LPAR1: variants seen among roughly 807,000 people sequenced by gnomAD.
The protein encoded by LPAR1 is LPA receptor 1.
LPAR1 carries 5 observed loss-of-function variants against 23.8 expected under a neutral mutation model. The observed-to-expected ratio is 0.21, with a 90% CI of 0.11 to 0.44. The LOEUF (loss-of-function observed/expected upper bound fraction) is 0.44. Ranked by LOEUF, LPAR1 falls within the 20% of genes least tolerant of loss-of-function variation. LPAR1 has a pLI of 0.99. For missense variants in LPAR1, 311 were observed against 482.8 expected, an observed-to-expected ratio of 0.64 and a Z score of 3.33; for synonymous variants, 160 against 164.7, an observed-to-expected ratio of 0.97 and a Z score of 0.22.
chr9:110,932,169 C>T (rs923757730), intron 5 of LPAR1, among the ~76,000 whole-genome samples: 9 of 152,012 alleles, frequency 5.9e-5, no homozygotes, highest in African/African-American at 2.2e-4. Flanking sequence ...ACTAGGCAAC[C>T]TGTAAAACTC....
chr9:110,883,980 C>G (rs2081615408), intron 5 of LPAR1, among the ~76,000 whole-genome samples: 1 of 146,014 alleles, frequency 6.8e-6, no homozygotes, highest in South Asian at 2.2e-4. Context: ...TAGAGTGTAT[C>G]CATGAGCATT....
intron 5 of LPAR1, among the ~76,000 whole-genome samples, chr9:110,882,834 T>A (rs941475914): frequency 6.6e-6 from 1 of 152,202 alleles, no homozygotes; most frequent in Non-Finnish European, 1.5e-5. Context: ...GGTCATTAGA[T>A]GATTGCCGTA....
chr9:110,949,623 T>C (rs1035106528), intron 4 of LPAR1, among the ~76,000 whole-genome samples: 2 of 152,192 alleles, frequency 1.3e-5, no homozygotes, highest in African/African-American at 2.4e-5. Context: ...CCCAGTTTAT[T>C]TGGTTACCCC....
chr9:110,976,772 A>G (rs1343290472), intron 2 of LPAR1, among the ~76,000 whole-genome samples: 1 of 152,008 alleles, frequency 6.6e-6, no homozygotes, highest in South Asian at 2.1e-4. Flanking sequence ...TCTTCTCAAA[A>G]CCGTAAAATT....
At position 110,995,923 on chromosome 9, in the gene LPAR1, A is replaced by G. The variant is rs181246607; in HGVS notation, c.-181-22365T>C. ...GGACACTTTTAAAAATAATGGCTGAAGTCTTTTATCAGGAAAGCAGTAGAA... is the reference window on the plus strand; with the variant it reads ...GGACACTTTTAAAAATAATGGCTGAGGTCTTTTATCAGGAAAGCAGTAGAA... On this transcript the variant is annotated intron_variant, in intron 2 of 5. Transcript: ENST00000683809. 3.2e-4 allele frequency among the ~76,000 whole-genome samples: 49 copies of G among 152,334 alleles called. 1 individual carries two copies. The East Asian group carries it at 8.9e-3, about 28-fold the overall frequency.
intron 4 of LPAR1, among the ~76,000 whole-genome samples, chr9:110,957,975 T>C (rs1211591673): frequency 3.9e-5 from 6 of 152,092 alleles, no homozygotes; most frequent in Admixed American, 3.9e-4. Context: ...GGCAATCCCC[T>C]TTCCAAAGCT....
chr9:111,021,208 G>A (rs723592), intron 2 of LPAR1, among the ~76,000 whole-genome samples: 55,076 of 151,984 alleles, frequency 0.36, 10,991 homozygotes, highest in East Asian at 0.62. Context: ...GGGATCTAAC[G>A]TACAGCATGG....
intron 2 of LPAR1, among the ~76,000 whole-genome samples, chr9:111,006,627 C>T (rs777431573): frequency 1.3e-5 from 2 of 152,114 alleles, no homozygotes; most frequent in Non-Finnish European, 2.9e-5. Context: ...AATAGGTACA[C>T]AGGCAAGCCA....
At chr9:110,890,947 A>G (rs1383406014) in intron 5 of LPAR1, among the ~76,000 whole-genome samples, 1 of 152,254 alleles carries the variant, frequency 6.6e-6, no homozygotes, top group Non-Finnish European at 1.5e-5. Flanking sequence ...AATGGGGAAA[A>G]CTACAGAAAA....
At position 110,946,607 on chromosome 9, in the gene LPAR1, A is replaced by G. The variant is rs75348429; in HGVS notation, c.46-4439T>C. On this transcript the variant is annotated intron_variant, in intron 4 of 5. Coordinates refer to ENST00000683809, the MANE Select transcript of LPAR1 (RefSeq NM_001351411.2). ...TGAGTATTCAGAAAGAATGCCATCT[A>G]CATTTCATCTACACTTCCTTCGTAG... 5.9e-5 allele frequency among the ~76,000 whole-genome samples: 9 copies of G among 152,200 alleles called. No homozygotes were observed. In the East Asian group the frequency reaches 1.7e-3, roughly 29 times the overall value.
intron 2 of LPAR1, among the ~76,000 whole-genome samples, chr9:111,019,211 C>T (rs1183809853): frequency 2.0e-5 from 3 of 152,120 alleles, no homozygotes; most frequent in African/African-American, 7.2e-5. Context: ...GTGGCTCACA[C>T]CTCTGATCCC....
At chr9:110,892,867 ATG>A (rs1314738821) in intron 5 of LPAR1, among the ~76,000 whole-genome samples, 1 of 87,430 alleles carries the variant, frequency 1.1e-5, no homozygotes, top group Admixed American at 1.5e-4. Flanking sequence ...GCAGGCAGGC[ATG>A]CAGGCAGGCA....
chr9:111,033,945 C>A (rs1224719021), intron 2 of LPAR1, among the ~76,000 whole-genome samples: 4 of 152,218 alleles, frequency 2.6e-5, no homozygotes, highest in African/African-American at 9.7e-5. Flanking sequence ...CTCTGACATG[C>A]AACTGAAAAC....
intron 2 of LPAR1, among the ~76,000 whole-genome samples, chr9:111,030,883 A>G (rs886669062): frequency 6.6e-6 from 1 of 152,214 alleles, no homozygotes; most frequent in African/African-American, 2.4e-5. Context: ...CTAAAGCAAA[A>G]GAAAATGGAG....
chr9:110,975,559 C>A (rs1329921734), intron 2 of LPAR1, among the ~76,000 whole-genome samples: 1 of 152,098 alleles, frequency 6.6e-6, no homozygotes, highest in Non-Finnish European at 1.5e-5. Context: ...TTTCCATAGG[C>A]CAATATTCCA....
chr9:110,949,055 T>G (rs2095487228), intron 4 of LPAR1, among the ~76,000 whole-genome samples: 1 of 152,182 alleles, frequency 6.6e-6, no homozygotes, highest in Non-Finnish European at 1.5e-5. Flanking sequence ...AGGCTGGGAT[T>G]TGAACTTAGA....
At chr9:110,960,556 C>T (rs1047767020) in intron 4 of LPAR1, among the ~76,000 whole-genome samples, 25 of 151,964 alleles carry the variant, frequency 1.6e-4, no homozygotes, top group Admixed American at 6.6e-5. Context: ...GAAATTACAT[C>T]GAAATGTTAA....
chr9:110,883,149 C>G (rs926734911), intron 5 of LPAR1, among the ~76,000 whole-genome samples: 6 of 152,128 alleles, frequency 3.9e-5, no homozygotes, highest in African/African-American at 1.4e-4. Context: ...AAGCGATTCC[C>G]TTGCCTCAGT....
At chr9:110,980,427 G>A (rs1438192206) in intron 2 of LPAR1, among the ~76,000 whole-genome samples, 1 of 152,018 alleles carries the variant, frequency 6.6e-6, no homozygotes, top group Non-Finnish European at 1.5e-5. Context: ...GCAAGCCTCA[G>A]AGCTATTTGA....
Sources: gnomAD v4.1 joint callset for allele counts (sites outside exome capture counted in the v4.1 genomes callset) on GRCh38, gnomAD v4.1.1 for gene constraint, MANE v1.5 for transcripts, NCBI Gene and HGNC (gene_info 2026-07-23, HGNC 2026-07-21) for gene names.